The following CACNA1I variants were observed in gnomAD, a reference collection of about 807,000 sequenced individuals.
CACNA1I encodes voltage-dependent T-type calcium channel subunit alpha-1I.
Under a neutral mutation model 201.6 loss-of-function variants are expected in CACNA1I, and 74 were observed. That is an observed-to-expected ratio of 0.37 (90% confidence interval 0.30 to 0.45). The LOEUF is 0.45. Ranked by LOEUF, CACNA1I falls within the 20% of genes least tolerant of loss-of-function variation. The probability of loss-of-function intolerance (pLI) is 1.00; values close to 1 mark genes in which losing one functional copy is unlikely to be tolerated. For synonymous variants in CACNA1I, 1,431 were observed against 1,345.2 expected (o/e 1.06, Z -1.40); for missense variants, 2,346 against 3,138.1 (o/e 0.75, Z 6.03).
intron 1 of CACNA1I, among the ~76,000 whole-genome samples, chr22:39,580,891 C>A (rs544580741): frequency 1.3e-5 from 2 of 152,190 alleles, no homozygotes; most frequent in African/African-American, 4.8e-5. Context: ...GTGTTGGAGC[C>A]CAGCTATGTG....
chr22:39,654,210 G>C (rs1456810939), intron 10 of CACNA1I, among the ~76,000 whole-genome samples: 2 of 152,216 alleles, frequency 1.3e-5, no homozygotes, highest in Non-Finnish European at 2.9e-5. Context: ...GGCTCCCGGA[G>C]ATTGAGGTCA....
intron 19 of CACNA1I, 63 bp downstream of exon 19, chr22:39,663,904 A>G (rs1324431458): frequency 6.2e-7 from 1 of 1,603,820 alleles, no homozygotes; most frequent in Non-Finnish European, 8.5e-7. Flanking sequence ...GCCAGGGCTG[A>G]GCAGGGCAGG....
Position 39,598,233 on chromosome 22 carries a change from TGCCTGTCCGACC to T in CACNA1I, c.322_333del (p.Leu108_Arg111del). On this transcript the variant is annotated inframe_deletion, in exon 2 of 37. Transcript: ENST00000402142. ...GTACCAGCCGTGCGACGACATGGAC[TGCCTGTCCGACC>T]GCTGCAAGATCCTGCAGGTGAGCCG... 1 of 1,604,612 alleles carries T rather than the reference TGCCTGTCCGACC, an allele frequency of 6.2e-7. No homozygotes were observed. The highest frequency in any genetic ancestry group is 8.5e-7 in the Non-Finnish European group (1 of 1,176,228).
chr22:39,682,038 C>T (rs1935720815), intron 34 of CACNA1I, among the ~76,000 whole-genome samples: 1 of 152,116 alleles, frequency 6.6e-6, no homozygotes, highest in African/African-American at 2.4e-5. Context: ...TTGGAGGGGG[C>T]ATTAAGGCGG....
chr22:39,684,750 A>T lies in CACNA1I; in HGVS notation c.6027+252A>T. 1 of 599,330 alleles carries T rather than the reference A, an allele frequency of 1.7e-6. No homozygotes were observed. The highest frequency in any genetic ancestry group is 3.0e-6 in the Non-Finnish European group (1 of 336,824). The allele number at this position is 599,330 out of a possible 1,614,324, so 37.1% of individuals were successfully genotyped here. ...GGGGAGGACCCCAAGGCGGGTCTGGAAGAGGCCTGTGATCCCTAGCTTGAG... is the reference window on the plus strand; with the variant it reads ...GGGGAGGACCCCAAGGCGGGTCTGGTAGAGGCCTGTGATCCCTAGCTTGAG... On this transcript the variant is annotated intron_variant, in intron 36 of 36. Transcript: ENST00000402142. The surrounding 1 kb of genome is among the most constrained non-coding windows in gnomAD (Gnocchi z 4.6).
At chr22:39,663,115 A>G (rs1252974932) in intron 18 of CACNA1I, among the ~76,000 whole-genome samples, 1 of 152,180 alleles carries the variant, frequency 6.6e-6, no homozygotes, top group Non-Finnish European at 1.5e-5. Context: ...CTTGGCTTCC[A>G]AGATCCCTGG....
At chr22:39,670,696 TC>T (rs2146464164) in intron 25 of CACNA1I, 106 bp from the exon 26 acceptor site, 2 of 1,077,232 alleles carry the variant, frequency 1.9e-6, no homozygotes, top group East Asian at 2.4e-5. Context: ...AACATCTTCC[TC>T]TTTGCCCCCT....
chr22:39,592,103 T>C (rs962520532), intron 1 of CACNA1I, among the ~76,000 whole-genome samples: 4 of 152,166 alleles, frequency 2.6e-5, no homozygotes, highest in Non-Finnish European at 5.9e-5. Context: ...GCTGAGGCGC[T>C]GGGGGGCTCT....
intron 24 of CACNA1I, among the ~76,000 whole-genome samples, chr22:39,669,424 C>T (rs951371886): frequency 6.6e-6 from 1 of 152,228 alleles, no homozygotes; most frequent in African/African-American, 2.4e-5. Flanking sequence ...CCAAGTTCTC[C>T]CCTCTGCTGG....
intron 14 of CACNA1I, among the ~76,000 whole-genome samples, chr22:39,660,088 C>A (rs533255912): frequency 6.6e-6 from 1 of 152,290 alleles, no homozygotes; most frequent in South Asian, 2.1e-4. Context: ...TTCTCCATCT[C>A]TGAGATTCGA....
At chr22:39,670,536 C>T (rs915127101) in intron 25 of CACNA1I, among the ~76,000 whole-genome samples, 2 of 152,184 alleles carry the variant, frequency 1.3e-5, no homozygotes, top group African/African-American at 4.8e-5. Flanking sequence ...TCCCAGCAGG[C>T]AGGCCCAGAG....
Position 39,578,553 on chromosome 22 carries a change from G to A in CACNA1I, c.236+7565G>A, listed in dbSNP as rs190835724. The stretch of plus-strand genomic sequence containing the variant: ...AGCACTGGGCCAGGTACCCAAAACC[G>A]TGTGACCTTGGCAGTCACCTCTCCC... On this transcript the variant is annotated intron_variant, in intron 1 of 36. Transcript: ENST00000402142. 2.3e-3 allele frequency among the ~76,000 whole-genome samples: 348 copies of A among 152,018 alleles called. 2 individuals carry two copies. Among genetic ancestry groups the A allele is most frequent in the South Asian group, 2.5e-3 (12 of 4,802 alleles).
At chr22:39,580,975 C>T (rs1281413059) in intron 1 of CACNA1I, among the ~76,000 whole-genome samples, 4 of 152,232 alleles carry the variant, frequency 2.6e-5, no homozygotes, top group Non-Finnish European at 2.9e-5. Context: ...CCGCAGTACA[C>T]CAGGCCTGGG....
At chr22:39,588,389 T>C (rs6001628) in intron 1 of CACNA1I, among the ~76,000 whole-genome samples, 7,278 of 142,176 alleles carry the variant, frequency 0.051, 170 homozygotes, top group Non-Finnish European at 0.064. Flanking sequence ...TTCTTTCTTT[T>C]TTTTTTTTTT....
intron 1 of CACNA1I, among the ~76,000 whole-genome samples, chr22:39,588,934 T>A (rs895382921): frequency 6.6e-6 from 1 of 152,236 alleles, no homozygotes; most frequent in Non-Finnish European, 1.5e-5. Flanking sequence ...CTGTTGTGTG[T>A]TTCAGTTGCC....
In CACNA1I at chr22:39,662,261, C is replaced by A; in HGVS notation, c.3198C>A (p.Asp1066Glu). ...CCCTCGACAACAGGGACTCGGTGGA[C>A]CTGGCCGAGCTGGTGCCCGCGGTGG... ...TLSLDNRDSVDLAELVPAVGA... is the reference protein window; with the variant it reads ...TLSLDNRDSVELAELVPAVGA... The change falls in exon 17 of 37, where the codon GAC becomes GAA. Residue 1066 changes from aspartate to glutamate, a missense_variant. Transcript: ENST00000402142. 1 of 1,522,362 alleles carries A rather than the reference C, an allele frequency of 6.6e-7. No homozygotes were observed. Among genetic ancestry groups the A allele is most frequent in the South Asian group, 1.2e-5 (1 of 81,866 alleles). The allele number at this position is 1,522,362 out of a possible 1,614,324, so 94.3% of individuals were successfully genotyped here. A position where few individuals can be genotyped will look rare whatever the true frequency, so the allele number is the denominator to read the frequency against.
Position 39,658,885 on chromosome 22 carries a change from C to T in CACNA1I, c.2145-46C>T, listed in dbSNP as rs749853680. 24 of 1,516,912 alleles carry T rather than the reference C, an allele frequency of 1.6e-5. No homozygotes were observed. In the South Asian group the frequency reaches 2.7e-4, roughly 17 times the overall value. 94.0% of individuals were successfully genotyped at this position (1,516,912 alleles called of 1,614,324 possible). On this transcript the variant is annotated intron_variant, in intron 11 of 36. Transcript: ENST00000402142. ...GTCTTCCTCTCCCCCTGGCCTCCTA[C>T]TGCTGCCTCCTACCTGTACCCTGGG...
At chr22:39,590,924 C>T (rs570930064) in intron 1 of CACNA1I, among the ~76,000 whole-genome samples, 144 of 152,248 alleles carry the variant, frequency 9.5e-4, no homozygotes, top group African/African-American at 3.1e-3. Flanking sequence ...TGGCTCACAG[C>T]GACCTTCAGC....
At chr22:39,585,001 T>C (rs1932695652) in intron 1 of CACNA1I, among the ~76,000 whole-genome samples, 1 of 152,252 alleles carries the variant, frequency 6.6e-6, no homozygotes, top group Non-Finnish European at 1.5e-5. Context: ...AAATTTGTTT[T>C]AAAAATATTT....
Sources: gnomAD v4.1 joint callset for allele counts (sites outside exome capture counted in the v4.1 genomes callset) on GRCh38, gnomAD v4.1.1 for gene constraint, Gnocchi (gnomAD v3.1) non-coding constraint, MANE v1.5 for transcripts, NCBI Gene and HGNC (gene_info 2026-07-23, HGNC 2026-07-21) for gene names.